HOXB8: variants seen among roughly 807,000 people sequenced by gnomAD.
HOXB8 encodes homeobox B8.
Under a neutral mutation model 22.2 loss-of-function variants are expected in HOXB8, and 17 were observed. The observed-to-expected ratio is 0.77, with a 90% CI of 0.53 to 1.15. The LOEUF is 1.15. HOXB8 is among the 50% of genes most tolerant of loss of function. HOXB8 has a pLI of 0.00. For missense variants in HOXB8, 287 were observed against 323.8 expected (o/e 0.89, Z 0.87); for synonymous variants, 156 against 144.6 (o/e 1.08, Z -0.57).
In HOXB8 at chr17:48,612,531, G is replaced by A. The variant is rs747802252; in HGVS notation, c.*671C>T. On this transcript the variant is annotated 3_prime_UTR_variant, in exon 2 of 2. Coordinates refer to ENST00000239144, the MANE Select transcript of HOXB8 (RefSeq NM_024016.4). ...AGAACACTTGTAACAATTGCCCACA[G>A]CGCGCATGCTAACTAAAGTAACCTC... 2 of 152,082 alleles carry A rather than the reference G, an allele frequency of 1.3e-5. No homozygotes were observed. The highest frequency in any genetic ancestry group is 2.9e-5 in the Non-Finnish European group (2 of 67,990). The allele number at this position is 152,082 out of a possible 1,614,324, so 9.4% of individuals were successfully genotyped here.
In HOXB8 at chr17:48,613,202, C is replaced by T. The variant is rs1457791392; in HGVS notation, c.732G>A (p.Ter244=). ...CGGCCCTGGCAGTCCCAGCTGAAGC[C>T]TACTTCTTGTCGCCCTTCTGCGCGT... ...EGDAQKGDKK[*] Residue 244 remains the stop codon, a stop_retained_variant, in exon 2 of 2, where the codon TAG becomes TAA. Coordinates refer to ENST00000239144, the MANE Select transcript of HOXB8 (RefSeq NM_024016.4). The T allele has an allele frequency of 6.2e-7, 1 of 1,605,414 alleles. No individual in the cohort carries two copies. The highest frequency in any genetic ancestry group is 1.3e-5 in the African/African-American group (1 of 74,614).
In HOXB8 at chr17:48,614,177, G is replaced by C; in HGVS notation, c.424+104C>G. The C allele has an allele frequency of 1.1e-6, 1 of 913,582 alleles. No individual in the cohort carries two copies. The highest frequency in any genetic ancestry group is 2.0e-5 in the South Asian group (1 of 49,988). 56.6% of individuals were successfully genotyped at this position (913,582 alleles called of 1,614,324 possible). A position where few individuals can be genotyped will look rare whatever the true frequency, so the allele number is the denominator to read the frequency against. ...GGAAAAGCGGCAGGCGATCGGAACGGAGCCGGCAAGTCTTCCAGAAGCTGG... is the reference window on the plus strand; with the variant it reads ...GGAAAAGCGGCAGGCGATCGGAACGCAGCCGGCAAGTCTTCCAGAAGCTGG... On this transcript the variant is annotated intron_variant, in intron 1 of 1. Transcript: ENST00000239144. This position sits in a 1 kb window ranked among gnomAD's most constrained non-coding sequence, Gnocchi z 4.1.
rs1396914626 is a variant in HOXB8, at chr17:48,614,651, G to C, written c.54C>G (p.Ser18=). The C allele has an allele frequency of 3.7e-6, 6 of 1,608,010 alleles. No individual in the cohort carries two copies. Among genetic ancestry groups the C allele is most frequent in the South Asian group, 1.1e-5 (1 of 90,556 alleles). ...CGCAGTCATAATAATTGGGGCGCAG[G>C]GACTCCCCGGTTTTGTATTTGGAGA... ...SLFSKYKTGE[S]LRPNYYDCGF... The change falls in exon 1 of 2, where the codon TCC becomes TCG. Residue 18 remains serine, a synonymous_variant. Transcript: ENST00000239144. The surrounding 1 kb of genome is among the most constrained non-coding windows in gnomAD (Gnocchi z 4.1).
At position 48,614,250 on chromosome 17, in the gene HOXB8, C is replaced by T; in HGVS notation, c.424+31G>A. 5 of 1,384,050 alleles carry T rather than the reference C, an allele frequency of 3.6e-6. No individual in the cohort carries two copies. The highest frequency in any genetic ancestry group is 4.7e-6 in the Non-Finnish European group (5 of 1,060,890). The allele number at this position is 1,384,050 out of a possible 1,614,324, so 85.7% of individuals were successfully genotyped here. ...AGGCCTTGGGCCCTTCCGGCCCCCT[C>T]CTGCCCTTGTCGGCCCCGAGGCGAG... is the stretch of plus-strand genomic sequence containing the variant. On this transcript the variant is annotated intron_variant, in intron 1 of 1. Transcript: ENST00000239144. The surrounding 1 kb of genome is among the most constrained non-coding windows in gnomAD (Gnocchi z 4.1).
In HOXB8 at chr17:48,614,646, C is replaced by T. The variant is rs549646264; in HGVS notation, c.59G>A (p.Arg20His). 3.1e-6 allele frequency: 5 copies of T among 1,608,100 alleles called. No individual in the cohort carries two copies. The South Asian group carries it at 4.4e-5, about 14-fold the overall frequency. The change falls in exon 1 of 2, where the codon CGC becomes CAC. Residue 20 changes from arginine to histidine, a missense_variant. By Grantham distance (29) the Arg-to-His change is conservative. Coordinates refer to ENST00000239144, the MANE Select transcript of HOXB8 (RefSeq NM_024016.4). This position sits in a 1 kb window ranked among gnomAD's most constrained non-coding sequence, Gnocchi z 4.1. ...GAAGCCGCAGTCATAATAATTGGGG[C>T]GCAGGGACTCCCCGGTTTTGTATTT... ...FSKYKTGESL[R>H]PNYYDCGFAQ...
rs56052247 is a variant in HOXB8 at position 48,613,096 on chromosome 17, C to T, written c.*106G>A. 7.0e-6 allele frequency: 5 copies of T among 717,960 alleles called. No homozygotes were observed. The Admixed American group carries it at 1.5e-4, about 22-fold the overall frequency. 44.5% of individuals were successfully genotyped at this position (717,960 alleles called of 1,614,324 possible). ...TGCGGTGGGAGGCCCGGCTCCTGGC[C>T]CCGCTAGCGGGGCCAGAGCTCTCTC... On this transcript the variant is annotated 3_prime_UTR_variant, in exon 2 of 2. Coordinates refer to ENST00000239144, the MANE Select transcript of HOXB8 (RefSeq NM_024016.4).
chr17:48,614,917 G>C lies in HOXB8; in HGVS notation c.-213C>G. The C allele has an allele frequency of 1.9e-6, 1 of 521,298 alleles. No individual in the cohort carries two copies. The allele number at this position is 521,298 out of a possible 1,614,324, so 32.3% of individuals were successfully genotyped here. A position where few individuals can be genotyped will look rare whatever the true frequency, so the allele number is the denominator to read the frequency against. Reference sequence around the variant, plus strand: ...AGATCTCGAAGCCGACACACTTTTTGTGGTTTCCAGGAATAGAAAAGGACA... The same window carrying C: ...AGATCTCGAAGCCGACACACTTTTTCTGGTTTCCAGGAATAGAAAAGGACA... On this transcript the variant is annotated 5_prime_UTR_variant, in exon 1 of 2. Transcript: ENST00000239144. This position sits in a 1 kb window ranked among gnomAD's most constrained non-coding sequence, Gnocchi z 4.1.
chr17:48,613,646 G>A, intron 1 of HOXB8, 137 bp from the exon 2 acceptor site: 1 of 607,034 alleles, frequency 1.6e-6, no homozygotes, highest in South Asian at 2.7e-5. Flanking sequence ...CCCCGTGCGG[G>A]GGCGGGGGGG....
chr17:48,613,538 G>C, intron 1 of HOXB8, 29 bp from the exon 2 acceptor site: 1 of 1,203,598 alleles, frequency 8.3e-7, no homozygotes, highest in Non-Finnish European at 1.2e-6. Flanking sequence ...GCGAGACAGA[G>C]GGGAGGGGAG....
Position 48,612,657 on chromosome 17 carries a change from G to GA in HOXB8, c.*544dup, listed in dbSNP as rs2070664931. Reference sequence around the variant, plus strand: ...AAAGCCAGCGAGCTGGGGGGTTGCAGAGGGGAGAGAGGATTGGGAGGGGAA... The same window carrying GA: ...AAAGCCAGCGAGCTGGGGGGTTGCAGAAGGGGAGAGAGGATTGGGAGGGGAA... On this transcript the variant is annotated 3_prime_UTR_variant, in exon 2 of 2. Coordinates refer to ENST00000239144, the MANE Select transcript of HOXB8 (RefSeq NM_024016.4). 1 of 152,656 alleles carries GA rather than the reference G, an allele frequency of 6.6e-6. No individual in the cohort carries two copies. The highest frequency in any genetic ancestry group is 1.5e-5 in the Non-Finnish European group (1 of 68,076). 9.5% of individuals were successfully genotyped at this position (152,656 alleles called of 1,614,324 possible). A position where few individuals can be genotyped will look rare whatever the true frequency, so the allele number is the denominator to read the frequency against.
At position 48,613,102 on chromosome 17, in the gene HOXB8, A is replaced by C; in HGVS notation, c.*100T>G. 3.9e-6 allele frequency: 3 copies of C among 767,436 alleles called. No homozygotes were observed. Among genetic ancestry groups the C allele is most frequent in the Non-Finnish European group, 5.1e-6 (3 of 593,796 alleles). 47.5% of individuals were successfully genotyped at this position (767,436 alleles called of 1,614,324 possible). A position where few individuals can be genotyped will look rare whatever the true frequency, so the allele number is the denominator to read the frequency against. ...GGGAGGCCCGGCTCCTGGCCCCGCT[A>C]GCGGGGCCAGAGCTCTCTCGGGCAG... is the stretch of plus-strand genomic sequence containing the variant. On this transcript the variant is annotated 3_prime_UTR_variant, in exon 2 of 2. Coordinates refer to ENST00000239144, the MANE Select transcript of HOXB8 (RefSeq NM_024016.4).
At position 48,612,668 on chromosome 17, in the gene HOXB8, G is replaced by C. The variant is rs1162258412; in HGVS notation, c.*534C>G. 6.6e-6 allele frequency: 1 copy of C among 152,608 alleles called. No individual in the cohort carries two copies. Among genetic ancestry groups the C allele is most frequent in the Non-Finnish European group, 1.5e-5 (1 of 68,074 alleles). 9.5% of individuals were successfully genotyped at this position (152,608 alleles called of 1,614,324 possible). On this transcript the variant is annotated 3_prime_UTR_variant, in exon 2 of 2. Transcript: ENST00000239144. ...GCTGGGGGGTTGCAGAGGGGAGAGA[G>C]GATTGGGAGGGGAAATGAGGACGCA...
At position 48,613,158 on chromosome 17, in the gene HOXB8, G is replaced by A. The variant is rs1325376928; in HGVS notation, c.*44C>T. 2.3e-6 allele frequency: 3 copies of A among 1,310,600 alleles called. No homozygotes were observed. The Admixed American group carries it at 8.7e-5, about 38-fold the overall frequency. 81.2% of individuals were successfully genotyped at this position (1,310,600 alleles called of 1,614,324 possible). A position where few individuals can be genotyped will look rare whatever the true frequency, so the allele number is the denominator to read the frequency against. On this transcript the variant is annotated 3_prime_UTR_variant, in exon 2 of 2. Coordinates refer to ENST00000239144, the MANE Select transcript of HOXB8 (RefSeq NM_024016.4). Reference sequence around the variant, plus strand: ...CGCGGCGGCGGCGCGGCCGGGACCCGCGGACGTGCGGGCGGCCGCGGCCCT... The same window carrying A: ...CGCGGCGGCGGCGCGGCCGGGACCCACGGACGTGCGGGCGGCCGCGGCCCT...
At position 48,614,468 on chromosome 17, in the gene HOXB8, G is replaced by A. The variant is rs2070699413; in HGVS notation, c.237C>T (p.His79=). 1.9e-6 allele frequency: 3 copies of A among 1,613,994 alleles called. No individual in the cohort carries two copies. The highest frequency in any genetic ancestry group is 2.5e-6 in the Non-Finnish European group (3 of 1,179,934). ...AGCCGTAGAAATTGCCGGGGTCCCC[G>A]TGGCACGCCACGGCGCACGGGTTCT... is the stretch of plus-strand genomic sequence containing the variant. ...YQQNPCAVAC[H]GDPGNFYGYD... Residue 79 remains histidine, a synonymous_variant, in exon 1 of 2, where the codon CAC becomes CAT. Coordinates refer to ENST00000239144, the MANE Select transcript of HOXB8 (RefSeq NM_024016.4). This position sits in a 1 kb window ranked among gnomAD's most constrained non-coding sequence, Gnocchi z 4.1.
Position 48,612,844 on chromosome 17 carries a change from G to GA in HOXB8, c.*357dup, listed in dbSNP as rs1026083156. 9.3e-5 allele frequency: 14 copies of GA among 150,330 alleles called. 1 individual carries two copies. Among genetic ancestry groups the GA allele is most frequent in the East Asian group, 2.0e-4 (1 of 5,078 alleles). The allele number at this position is 150,330 out of a possible 1,614,324, so 9.3% of individuals were successfully genotyped here. On this transcript the variant is annotated 3_prime_UTR_variant, in exon 2 of 2. Coordinates refer to ENST00000239144, the MANE Select transcript of HOXB8 (RefSeq NM_024016.4). The stretch of plus-strand genomic sequence containing the variant: ...TCATTACAAAGAAGCACGTTCAAAG[G>GA]AAAAAAAAGACAATTGCACAAGGAG...
At position 48,612,590 on chromosome 17, in the gene HOXB8, C is replaced by T. The variant is rs185485263; in HGVS notation, c.*612G>A. On this transcript the variant is annotated 3_prime_UTR_variant, in exon 2 of 2. Coordinates refer to ENST00000239144, the MANE Select transcript of HOXB8 (RefSeq NM_024016.4). ...AACACTTAAGACAAAATTGTCAAAC[C>T]AAAGGGGGTGGGTGGAGGAGGAAAA... is the stretch of plus-strand genomic sequence containing the variant. The T allele has an allele frequency of 6.6e-6, 1 of 152,400 alleles. No individual in the cohort carries two copies. Among genetic ancestry groups the T allele is most frequent in the African/African-American group, 2.4e-5 (1 of 41,324 alleles). 9.4% of individuals were successfully genotyped at this position (152,400 alleles called of 1,614,324 possible). A position where few individuals can be genotyped will look rare whatever the true frequency, so the allele number is the denominator to read the frequency against.
Position 48,614,389 on chromosome 17 carries a change from G to C in HOXB8, c.316C>G (p.Gln106Glu), listed in dbSNP as rs1374598551. The change falls in exon 1 of 2, where the codon CAG becomes GAG. Residue 106 changes from glutamine (Q) to glutamate (E), a missense_variant. Transcript: ENST00000239144. This position sits in a 1 kb window ranked among gnomAD's most constrained non-coding sequence, Gnocchi z 4.1. The stretch of plus-strand genomic sequence containing the variant: ...GCGGCAAGCTTGCAGTCTGCGTACT[G>C]CACCAGGTCTGGATCCTGCGCACCG... Reference protein sequence around the residue: ...LFGAQDPDLVQYADCKLAAAS... With the variant: ...LFGAQDPDLVEYADCKLAAAS... 1 of 1,612,576 alleles carries C rather than the reference G, an allele frequency of 6.2e-7. No individual in the cohort carries two copies. The highest frequency in any genetic ancestry group is 8.5e-7 in the Non-Finnish European group (1 of 1,179,840).
chr17:48,614,896 C>T lies in HOXB8; in HGVS notation c.-192G>A, dbSNP rs1184288961. 4.2e-5 allele frequency: 23 copies of T among 546,310 alleles called. No homozygotes were observed. Among genetic ancestry groups the T allele is most frequent in the Non-Finnish European group, 6.3e-5 (20 of 315,682 alleles). The allele number at this position is 546,310 out of a possible 1,614,324, so 33.8% of individuals were successfully genotyped here. A position where few individuals can be genotyped will look rare whatever the true frequency, so the allele number is the denominator to read the frequency against. On this transcript the variant is annotated 5_prime_UTR_variant, in exon 1 of 2. Coordinates refer to ENST00000239144, the MANE Select transcript of HOXB8 (RefSeq NM_024016.4). The surrounding 1 kb of genome is among the most constrained non-coding windows in gnomAD (Gnocchi z 4.1). ...AAAAGAAAGAAAAGGCGAAGAAGAT[C>T]TCGAAGCCGACACACTTTTTGTGGT...
rs1169330669 is a variant in HOXB8 at position 48,612,692 on chromosome 17, C to A, written c.*510G>T. The A allele has an allele frequency of 1.3e-5, 2 of 151,744 alleles. No homozygotes were observed. Among genetic ancestry groups the A allele is most frequent in the African/African-American group, 4.9e-5 (2 of 41,112 alleles). 9.4% of individuals were successfully genotyped at this position (151,744 alleles called of 1,614,324 possible). On this transcript the variant is annotated 3_prime_UTR_variant, in exon 2 of 2. Transcript: ENST00000239144. ...AGGATTGGGAGGGGAAATGAGGACGCAGCGAGAGAGAGCGAGAGCGAGAGC... is the reference window on the plus strand; with the variant it reads ...AGGATTGGGAGGGGAAATGAGGACGAAGCGAGAGAGAGCGAGAGCGAGAGC...
Sources: allele counts gnomAD v4.1 joint callset, GRCh38; gene constraint gnomAD v4.1.1; non-coding constraint Gnocchi (gnomAD v3.1); transcripts MANE v1.5; gene names NCBI Gene and HGNC (gene_info 2026-07-23, HGNC 2026-07-21).